Variants in RALYL observed in about 807,000 individuals in gnomAD.
The protein encoded by RALYL is RNA-binding Raly-like protein.
In RALYL, 29 loss-of-function variants were observed where a neutral mutation model predicts 35.1. The observed-to-expected ratio is 0.83, with a 90% CI of 0.61 to 1.13. The LOEUF (loss-of-function observed/expected upper bound fraction) is 1.13, where lower values mean the gene tolerates loss of function less well. Ranked by LOEUF, RALYL falls within the 50% of genes most tolerant of loss-of-function variation. RALYL has a pLI of 0.00. For synonymous variants in RALYL, 120 were observed against 127.6 expected, an observed-to-expected ratio of 0.94 and a Z score of 0.40; for missense variants, 359 against 360.4, an observed-to-expected ratio of 1.00 and a Z score of 0.03.
At chr8:84,680,326 T>C (rs1379448078) in intron 2 of RALYL, among the ~76,000 whole-genome samples, 3 of 152,186 alleles carry the variant, frequency 2.0e-5, no homozygotes, top group Admixed American at 6.5e-5. Flanking sequence ...GCATGTGTCT[T>C]TATAGCAGCA....
chr8:84,372,903 T>TG (rs1376246676), intron 1 of RALYL, among the ~76,000 whole-genome samples: 16 of 140,946 alleles, frequency 1.1e-4, no homozygotes, highest in Non-Finnish European at 1.5e-4. Flanking sequence ...TTTTTTTTTT[T>TG]TTTTTTTTTT....
chr8:84,777,933 A>G (rs2465979), intron 3 of RALYL, among the ~76,000 whole-genome samples: 34,856 of 151,954 alleles, frequency 0.23, 4,239 homozygotes, highest in Non-Finnish European at 0.25. Flanking sequence ...GAGCCACCGC[A>G]CCCGGCTTCT....
intron 2 of RALYL, among the ~76,000 whole-genome samples, chr8:84,612,520 A>G (rs528587717): frequency 6.6e-6 from 1 of 152,166 alleles, no homozygotes; most frequent in African/African-American, 2.4e-5. Flanking sequence ...GTGACTATGC[A>G]AAAGAAAATA....
intron 1 of RALYL, among the ~76,000 whole-genome samples, chr8:84,393,363 G>A (rs1861125273): frequency 6.6e-6 from 1 of 152,032 alleles, no homozygotes; most frequent in Non-Finnish European, 1.5e-5. Context: ...TCCTTGACAG[G>A]TGACCCTCTC....
At chr8:84,474,802 G>A (rs371672826) in intron 1 of RALYL, among the ~76,000 whole-genome samples, 1 of 152,074 alleles carries the variant, frequency 6.6e-6, no homozygotes. Flanking sequence ...GAAACACACT[G>A]TACTCTGATG....
At chr8:84,842,990 A>G (rs182950523) in intron 4 of RALYL, among the ~76,000 whole-genome samples, 5 of 152,092 alleles carry the variant, frequency 3.3e-5, no homozygotes, top group African/African-American at 9.7e-5. Context: ...AGCTATCTAT[A>G]ACAAACCCAC....
chr8:84,318,041 A>T (rs1316587354), intron 1 of RALYL, among the ~76,000 whole-genome samples: 2 of 152,210 alleles, frequency 1.3e-5, no homozygotes, highest in African/African-American at 4.8e-5. Flanking sequence ...TAGACAACGA[A>T]AATAGCCATA....
At chr8:84,597,801 G>A (rs1814932842) in intron 2 of RALYL, among the ~76,000 whole-genome samples, 1 of 152,138 alleles carries the variant, frequency 6.6e-6, no homozygotes, top group African/African-American at 2.4e-5. Context: ...TTTATGTCCT[G>A]TCCATGGGTG....
intron 2 of RALYL, among the ~76,000 whole-genome samples, chr8:84,719,493 G>A (rs1589181066): frequency 6.6e-6 from 1 of 152,160 alleles, no homozygotes; most frequent in East Asian, 1.9e-4. Flanking sequence ...GTATGAAAAG[G>A]AATCTAAAAA....
intron 2 of RALYL, among the ~76,000 whole-genome samples, chr8:84,751,179 C>T (rs760715131): frequency 1.1e-4 from 17 of 152,044 alleles, no homozygotes; most frequent in Non-Finnish European, 2.9e-5. Context: ...GTCTGACACC[C>T]AGTTGGTAAA....
intron 1 of RALYL, among the ~76,000 whole-genome samples, chr8:84,393,989 A>C (rs947005548): frequency 3.3e-5 from 5 of 152,116 alleles, no homozygotes; most frequent in Admixed American, 6.6e-5. Flanking sequence ...TTAGTTTACC[A>C]ACTTGGAACT....
In RALYL at chr8:84,862,316, G is replaced by T. The variant is rs186786984; in HGVS notation, c.434G>T (p.Arg145Leu). ...TAAAGGTTATTTGATTACCACGGGCGTGTGCCTCCACCTCCCCGTGCAGTA... is the reference window on the plus strand; with the variant it reads ...TAAAGGTTATTTGATTACCACGGGCTTGTGCCTCCACCTCCCCGTGCAGTA... The part of the protein sequence containing the change: ...FYNRLFDYHG[R>L]VPPPPRAVIP... Residue 145 changes from arginine to leucine, a missense_variant, in exon 6 of 9, where the codon CGT becomes CTT. Transcript: ENST00000521268. 2 of 1,588,614 alleles carry T rather than the reference G, an allele frequency of 1.3e-6. No individual in the cohort carries two copies. Among genetic ancestry groups the T allele is most frequent in the Admixed American group, 1.8e-5 (1 of 55,948 alleles).
At chr8:84,492,229 A>T (rs1219230348) in intron 1 of RALYL, among the ~76,000 whole-genome samples, 6 of 152,100 alleles carry the variant, frequency 3.9e-5, no homozygotes, top group African/African-American at 7.2e-5. Flanking sequence ...TTTAAAAAGT[A>T]TACAACTAAA....
chr8:84,271,406 A>G (rs370062228), intron 1 of RALYL, among the ~76,000 whole-genome samples: 16 of 150,708 alleles, frequency 1.1e-4, no homozygotes, highest in East Asian at 5.8e-4. Context: ...ATGTGGGGAA[A>G]CTAGGACCCT....
At chr8:84,777,919 G>A (rs1817225479) in intron 3 of RALYL, among the ~76,000 whole-genome samples, 1 of 152,248 alleles carries the variant, frequency 6.6e-6, no homozygotes, top group South Asian at 2.1e-4. Context: ...GGGATTACAG[G>A]CGTGAGCCAC....
chr8:84,328,465 A>G (rs922130716), intron 1 of RALYL, among the ~76,000 whole-genome samples: 1 of 152,184 alleles, frequency 6.6e-6, no homozygotes, highest in Non-Finnish European at 1.5e-5. Context: ...TTAATTTCAC[A>G]TGTCAACAGC....
rs576326059 is a variant in RALYL, at chr8:84,301,686, C to T, written c.-24+117262C>T. Among the ~76,000 whole-genome samples, 5 of 152,036 alleles carry T rather than the reference C, an allele frequency of 3.3e-5. No homozygotes were observed. The South Asian group carries it at 1.0e-3, about 32-fold the overall frequency. On this transcript the variant is annotated intron_variant, in intron 1 of 8. Coordinates refer to ENST00000521268, the MANE Select transcript of RALYL (RefSeq NM_173848.7). ...TAGGGGAAAATAATAGTAAAACTTC[C>T]ATTTGAGGGCTCTAGTTATCTTATA...
chr8:84,610,664 A>G (rs28522680), intron 2 of RALYL, among the ~76,000 whole-genome samples: 289 of 152,308 alleles, frequency 1.9e-3, no homozygotes, highest in Non-Finnish European at 3.2e-3. Context: ...GAGTATCTAC[A>G]TAATTTATCT....
At chr8:84,698,767 T>A (rs1013391123) in intron 2 of RALYL, among the ~76,000 whole-genome samples, 1 of 152,056 alleles carries the variant, frequency 6.6e-6, no homozygotes, top group African/African-American at 2.4e-5. Context: ...CTCTGAGAAG[T>A]CAGCAGTGTG....
Sources: allele counts gnomAD v4.1 joint callset (sites outside exome capture counted in the v4.1 genomes callset), GRCh38; gene constraint gnomAD v4.1.1; transcripts MANE v1.5; gene names NCBI Gene and HGNC (gene_info 2026-07-23, HGNC 2026-07-21).